WNT3: variants seen among roughly 807,000 people sequenced by gnomAD.
The protein encoded by WNT3 is Wnt family member 3, also known as proto-oncogene Wnt-3.
A neutral mutation model predicts 34.2 loss-of-function variants in WNT3; 7 were observed. The ratio of observed to expected loss-of-function variants is 0.20; its 90% CI spans 0.12 to 0.38. The LOEUF (loss-of-function observed/expected upper bound fraction) is 0.38. Ranked by LOEUF, WNT3 falls within the 10% of genes least tolerant of loss-of-function variation. WNT3 has a pLI of 1.00. For synonymous variants in WNT3, 212 were observed against 211.5 expected, an observed-to-expected ratio of 1.00 and a Z score of -0.02; for missense variants, 267 against 499.8, an observed-to-expected ratio of 0.53 and a Z score of 4.44.
chr17:46,765,072 C>T (rs972961256), intron 4 of WNT3, among the ~76,000 whole-genome samples: 7 of 152,244 alleles, frequency 4.6e-5, no homozygotes, highest in Admixed American at 3.3e-4. Context: ...TACTTAATTA[C>T]GAACAATTCC....
At chr17:46,791,098 C>T (rs1482907606) in intron 1 of WNT3, among the ~76,000 whole-genome samples, 1 of 152,124 alleles carries the variant, frequency 6.6e-6, no homozygotes, top group Non-Finnish European at 1.5e-5. Context: ...ACAGGATGCT[C>T]ACACTCTTTG....
chr17:46,773,786 G>A lies in WNT3; in HGVS notation c.204C>T (p.Ser68=), dbSNP rs752420149. The change falls in exon 2 of 5, where the codon AGC becomes AGT. Residue 68 remains serine, a synonymous_variant. Transcript: ENST00000225512. ...TGCCCAGCTTCACGCCCTCGGCCAC[G>A]CTGGGCATGATCTCGATGTAATTGC... is the stretch of plus-strand genomic sequence containing the variant. The part of the protein sequence containing the change: ...FCRNYIEIMP[S]VAEGVKLGIQ... 2.5e-6 allele frequency: 4 copies of A among 1,613,478 alleles called. No individual in the cohort carries two copies. The highest frequency in any genetic ancestry group is 1.1e-5 in the South Asian group (1 of 91,076).
intron 1 of WNT3, among the ~76,000 whole-genome samples, chr17:46,815,704 A>C (rs2084332566): frequency 6.6e-6 from 1 of 152,146 alleles, no homozygotes; most frequent in Admixed American, 6.5e-5. Context: ...CAGTGACTCT[A>C]GTGCCTGGAC....
rs1203355596 is a variant in WNT3, at chr17:46,762,671, T to C, written c.*1959A>G. 3 of 151,822 alleles carry C rather than the reference T, an allele frequency of 2.0e-5. No individual in the cohort carries two copies. The East Asian group carries it at 5.8e-4, about 29-fold the overall frequency. The allele number at this position is 151,822 out of a possible 1,614,324, so 9.4% of individuals were successfully genotyped here. On this transcript the variant is annotated 3_prime_UTR_variant, in exon 5 of 5. Coordinates refer to ENST00000225512, the MANE Select transcript of WNT3 (RefSeq NM_030753.5). ...TATTTATAAAAAGAGACTTTTTGAA[T>C]ATAAAATCAAAAAGATCAACAACTT...
At chr17:46,812,399 G>A (rs560418430) in intron 1 of WNT3, among the ~76,000 whole-genome samples, 9 of 151,634 alleles carry the variant, frequency 5.9e-5, no homozygotes, top group South Asian at 2.1e-4. Flanking sequence ...TCTGCCTTCC[G>A]ACTATAAATC....
intron 2 of WNT3, among the ~76,000 whole-genome samples, chr17:46,770,961 C>T (rs2059361324): frequency 6.6e-6 from 1 of 152,254 alleles, no homozygotes; most frequent in South Asian, 2.1e-4. Flanking sequence ...GGAGGTGACT[C>T]GCCACCTGAC....
chr17:46,801,239 G>A (rs1005008163), intron 1 of WNT3, among the ~76,000 whole-genome samples: 8 of 152,164 alleles, frequency 5.3e-5, no homozygotes, highest in Non-Finnish European at 1.0e-4. Flanking sequence ...GAGAGGAGCG[G>A]GTGCAGGGCG....
chr17:46,773,641 C>T, intron 2 of WNT3, 27 bp downstream of exon 2: 4 of 519,220 alleles, frequency 7.7e-6, no homozygotes, highest in Non-Finnish European at 1.2e-5. Context: ...CCCAGCCCCT[C>T]CCCCCCCCTC....
At position 46,769,694 on chromosome 17, in the gene WNT3, C is replaced by A; in HGVS notation, c.588+89G>T. ...AGGAGCCCGCGACCCACAGGGCTGC[C>A]GGAAGGGGTGAGGTGGGGGCCAGGG... On this transcript the variant is annotated intron_variant, in intron 3 of 4. Coordinates refer to ENST00000225512, the MANE Select transcript of WNT3 (RefSeq NM_030753.5). 6 of 1,555,416 alleles carry A rather than the reference C, an allele frequency of 3.9e-6. No homozygotes were observed. In the South Asian group the frequency reaches 6.8e-5, roughly 18 times the overall value.
At position 46,773,864 on chromosome 17, in the gene WNT3, G is replaced by A; in HGVS notation, c.126C>T (p.Pro42=). 1 of 1,612,848 alleles carries A rather than the reference G, an allele frequency of 6.2e-7. No individual in the cohort carries two copies. Among genetic ancestry groups the A allele is most frequent in the Non-Finnish European group, 8.5e-7 (1 of 1,180,002 alleles). Residue 42 remains proline, a synonymous_variant, in exon 2 of 5, where the codon CCC becomes CCT. Coordinates refer to ENST00000225512, the MANE Select transcript of WNT3 (RefSeq NM_030753.5). ...GQQYTSLGSQ[P]LLCGSIPGLV... Reference sequence around the variant, plus strand: ...GGCCTGGGATGGAGCCGCAGAGCAGGGGCTGTGAGCCCAGAGATGTGTACT... The same window carrying A: ...GGCCTGGGATGGAGCCGCAGAGCAGAGGCTGTGAGCCCAGAGATGTGTACT...
At chr17:46,803,117 C>T (rs1438433442) in intron 1 of WNT3, among the ~76,000 whole-genome samples, 1 of 152,296 alleles carries the variant, frequency 6.6e-6, no homozygotes, top group Non-Finnish European at 1.5e-5. Context: ...TGATGTCTGC[C>T]GCAGAATTGA....
At chr17:46,786,639 A>G (rs2059508867) in intron 1 of WNT3, among the ~76,000 whole-genome samples, 1 of 152,224 alleles carries the variant, frequency 6.6e-6, no homozygotes, top group Non-Finnish European at 1.5e-5. Context: ...TAAAGCCCAG[A>G]TGCCCTGTGC....
chr17:46,779,180 T>G (rs1203082496), intron 1 of WNT3, among the ~76,000 whole-genome samples: 1 of 151,490 alleles, frequency 6.6e-6, no homozygotes, highest in Admixed American at 6.6e-5. Flanking sequence ...AATGAAGAAC[T>G]CTTCCAAAGG....
chr17:46,798,593 A>G (rs1414816012), intron 1 of WNT3, among the ~76,000 whole-genome samples: 1 of 152,208 alleles, frequency 6.6e-6, no homozygotes, highest in Non-Finnish European at 1.5e-5. Context: ...TTGGATGCAC[A>G]CAGTGACTGC....
intron 1 of WNT3, among the ~76,000 whole-genome samples, chr17:46,779,814 C>T (rs1056202995): frequency 1.3e-5 from 2 of 152,050 alleles, no homozygotes; most frequent in African/African-American, 4.8e-5. Context: ...GGCTGGAGTA[C>T]AAAGCGTGAT....
intron 2 of WNT3, among the ~76,000 whole-genome samples, 181 bp from the exon 3 acceptor site, chr17:46,770,229 G>C (rs2059351656): frequency 6.6e-6 from 1 of 152,230 alleles, no homozygotes; most frequent in African/African-American, 2.4e-5. Flanking sequence ...ACCCAGTTGG[G>C]TATTCCCACT....
At chr17:46,783,179 G>C (rs2059476414) in intron 1 of WNT3, among the ~76,000 whole-genome samples, 1 of 152,244 alleles carries the variant, frequency 6.6e-6, no homozygotes, top group African/African-American at 2.4e-5. Flanking sequence ...TGAGGGTAGA[G>C]TGGGTGCAGG....
intron 1 of WNT3, among the ~76,000 whole-genome samples, chr17:46,806,100 A>G (rs1395226824): frequency 1.3e-5 from 2 of 151,886 alleles, no homozygotes; most frequent in Non-Finnish European, 2.9e-5. Flanking sequence ...TAAGCGAGGA[A>G]TTACTAGCTG....
rs878915344 is a variant in WNT3 at position 46,780,293 on chromosome 17, AC to A, written c.81-6385del. On this transcript the variant is annotated intron_variant, in intron 1 of 4. Transcript: ENST00000225512. ...CAGGGACACCCACTGTGCTGCCAGC[AC>A]CCACTCCCCTGAGTGATCCATTAGG... 1.2e-4 allele frequency among the ~76,000 whole-genome samples: 19 copies of A among 152,162 alleles called. No homozygotes were observed. In the South Asian group the frequency reaches 3.9e-3, roughly 32 times the overall value.
Sources: allele counts gnomAD v4.1 joint callset (sites outside exome capture counted in the v4.1 genomes callset), GRCh38; gene constraint gnomAD v4.1.1; transcripts MANE v1.5; gene names NCBI Gene and HGNC (gene_info 2026-07-23, HGNC 2026-07-21).